Variants in LINGO2 observed in about 807,000 individuals in gnomAD.
LINGO2 encodes the protein leucine-rich repeat and immunoglobulin-like domain-containing nogo receptor-interacting protein 2.
A neutral mutation model predicts 30.6 loss-of-function variants in LINGO2; 14 were observed. That is an observed-to-expected ratio of 0.46 (90% CI 0.30 to 0.72). The LOEUF is 0.72. Among genes scored for constraint, LINGO2 ranks in the 30% least tolerant of loss-of-function variants. LINGO2 has a pLI of 0.07. For missense variants in LINGO2, 729 were observed against 751.7 expected, an observed-to-expected ratio of 0.97 and a Z score of 0.35; for synonymous variants, 317 against 288.5, an observed-to-expected ratio of 1.10 and a Z score of -1.00.
chr9:28,420,229 T>C (rs796964214), intron 2 of LINGO2, among the ~76,000 whole-genome samples: 1 of 152,214 alleles, frequency 6.6e-6, no homozygotes, highest in African/African-American at 2.4e-5. Context: ...AGAAGTAATA[T>C]TTCTTACTGT....
Position 28,148,807 on chromosome 9 carries a change from G to A in LINGO2, c.-86-136402C>T. ...TTCCAGGCTGCTCCCTGTGGCCAGA[G>A]AAGGCGGCCTTGAAGGTGCTGGGTA... On this transcript the variant is annotated intron_variant, in intron 4 of 5. Transcript: ENST00000379992. The surrounding 1 kb of genome is among the most constrained non-coding windows in gnomAD (Gnocchi z 5.1). 2 of 1,533,998 alleles carry A rather than the reference G, an allele frequency of 1.3e-6. No homozygotes were observed. Among genetic ancestry groups the A allele is most frequent in the Non-Finnish European group, 1.7e-6 (2 of 1,146,652 alleles).
chr9:28,077,361 G>A (rs1199482068), intron 4 of LINGO2, among the ~76,000 whole-genome samples: 2 of 152,138 alleles, frequency 1.3e-5, no homozygotes, highest in Non-Finnish European at 2.9e-5. Context: ...AATCAAGTGA[G>A]TCTTACAAAA....
intron 4 of LINGO2, among the ~76,000 whole-genome samples, chr9:28,210,439 TA>T (rs1304643860): frequency 2.0e-5 from 3 of 151,638 alleles, no homozygotes; most frequent in Non-Finnish European, 4.4e-5. Context: ...ATAAAAAAAA[TA>T]AAGAATGACT....
chr9:28,206,157 C>T (rs1243450884), intron 4 of LINGO2, among the ~76,000 whole-genome samples: 2 of 116,408 alleles, frequency 1.7e-5, no homozygotes, highest in East Asian at 2.3e-4. Flanking sequence ...AGAGTGAGAC[C>T]CTGTTTCAAA....
the LINGO2 span, among the ~76,000 whole-genome samples, chr9:28,745,023 TG>T: frequency 6.6e-6 from 1 of 152,014 alleles, no homozygotes; most frequent in African/African-American, 2.4e-5. Context: ...TAGGCACCCA[TG>T]TCATTTAGGT....
chr9:28,423,030 G>A (rs1823266461), intron 2 of LINGO2, among the ~76,000 whole-genome samples: 1 of 152,008 alleles, frequency 6.6e-6, no homozygotes. Context: ...AGGAAGGAGG[G>A]ATGGAAAGTT....
the LINGO2 span, among the ~76,000 whole-genome samples, chr9:28,696,474 A>G: frequency 6.6e-6 from 1 of 151,944 alleles, no homozygotes; most frequent in Non-Finnish European, 1.5e-5. Flanking sequence ...AAGAGTCTCC[A>G]ATAGAGCTTT....
chr9:29,055,940 G>GTATATATATATATGTATATATATATA, the LINGO2 span, among the ~76,000 whole-genome samples: 1 of 119,982 alleles, frequency 8.3e-6, no homozygotes, highest in African/African-American at 3.2e-5. Context: ...ATGTGTGTGT[G>GTATATATATATATGTATATATATATA]TATATATACA....
rs540157882 is a variant in LINGO2 at position 28,457,755 on chromosome 9, T to C, written c.-279+18185A>G. Among the ~76,000 whole-genome samples the C allele has an allele frequency of 3.9e-5, 6 of 152,202 alleles. No individual in the cohort carries two copies. In the East Asian group the frequency reaches 5.8e-4, roughly 15 times the overall value. On this transcript the variant is annotated intron_variant, in intron 2 of 5. Coordinates refer to ENST00000379992, the Ensembl canonical transcript of LINGO2. ...GGAAAGTTTTAATGTAAATACTAATTCCAAGAATATAAAACTACCTCCAAC... is the reference window on the plus strand; with the variant it reads ...GGAAAGTTTTAATGTAAATACTAATCCCAAGAATATAAAACTACCTCCAAC...
chr9:28,767,573 C>G, the LINGO2 span, among the ~76,000 whole-genome samples: 1 of 151,904 alleles, frequency 6.6e-6, no homozygotes, highest in African/African-American at 2.4e-5. Context: ...ATCACGAGGT[C>G]AGGAGATCGA....
the LINGO2 span, among the ~76,000 whole-genome samples, chr9:28,817,049 A>G: frequency 6.6e-6 from 1 of 152,228 alleles, no homozygotes; most frequent in African/African-American, 2.4e-5. Context: ...TATTTTACCT[A>G]GCATGGCAAT....
At chr9:28,029,783 TTAGAA>T (rs145210203) in intron 4 of LINGO2, among the ~76,000 whole-genome samples, 1,644 of 152,338 alleles carry the variant, frequency 0.011, 35 homozygotes, top group African/African-American at 0.038. Context: ...TGGGAAGTTC[TTAGAA>T]TAGTTCCTGG....
chr9:28,131,720 A>G (rs1426613137), intron 4 of LINGO2, among the ~76,000 whole-genome samples: 1 of 152,154 alleles, frequency 6.6e-6, no homozygotes, highest in Non-Finnish European at 1.5e-5. Flanking sequence ...CACAAACTCC[A>G]ATAATAAAAG....
the LINGO2 span, among the ~76,000 whole-genome samples, chr9:28,859,153 A>G: frequency 6.6e-6 from 1 of 152,194 alleles, no homozygotes; most frequent in East Asian, 1.9e-4. Flanking sequence ...AAGAATTTAA[A>G]GTTTTTTACT....
At chr9:28,895,602 A>C in the LINGO2 span, among the ~76,000 whole-genome samples, 3 of 152,104 alleles carry the variant, frequency 2.0e-5, no homozygotes, top group African/African-American at 7.2e-5. Context: ...ATAATTTATA[A>C]GCGCATACAT....
At chr9:28,042,233 A>G (rs757332783) in intron 4 of LINGO2, among the ~76,000 whole-genome samples, 2 of 152,190 alleles carry the variant, frequency 1.3e-5, no homozygotes, top group Non-Finnish European at 2.9e-5. Flanking sequence ...AAGAACAGAC[A>G]TGATTAGGAC....
Position 28,235,807 on chromosome 9 carries a change from C to G in LINGO2, c.-87+59401G>C, listed in dbSNP as rs1319836801. Among the ~76,000 whole-genome samples, 5 of 152,004 alleles carry G rather than the reference C, an allele frequency of 3.3e-5. No individual in the cohort carries two copies. In the East Asian group the frequency reaches 9.7e-4, roughly 29 times the overall value. On this transcript the variant is annotated intron_variant, in intron 4 of 5. Coordinates refer to ENST00000379992, the Ensembl canonical transcript of LINGO2. ...CACAGTCAGAGGAGACAAAAAAAGT[C>G]AATGAAGCACACCTACAAGATCTAG... is the stretch of plus-strand genomic sequence containing the variant.
chr9:28,300,106 T>G (rs998338209), intron 3 of LINGO2, among the ~76,000 whole-genome samples: 15 of 141,178 alleles, frequency 1.1e-4, no homozygotes, highest in African/African-American at 3.7e-4. Flanking sequence ...ATGACCTTTC[T>G]CTCTCTCATT....
At chr9:28,402,248 G>A (rs1213700540) in intron 2 of LINGO2, among the ~76,000 whole-genome samples, 3 of 152,112 alleles carry the variant, frequency 2.0e-5, no homozygotes, top group East Asian at 3.9e-4. Flanking sequence ...ATGAAACAAA[G>A]AACAAATTGT....
Sources: allele counts gnomAD v4.1 joint callset (sites outside exome capture counted in the v4.1 genomes callset), GRCh38; gene constraint gnomAD v4.1.1; non-coding constraint Gnocchi (gnomAD v3.1); transcripts MANE v1.5; gene names NCBI Gene and HGNC (gene_info 2026-07-23, HGNC 2026-07-21).